The following AR variants were observed in gnomAD, a reference collection of about 807,000 sequenced individuals.
AR encodes androgen receptor, also known as dihydrotestosterone receptor.
AR carries 8 observed loss-of-function variants against 53.9 expected under a neutral mutation model. The observed-to-expected ratio is 0.15, with a 90% CI of 0.09 to 0.27. AR has a LOEUF of 0.27. Ranked by LOEUF, AR falls within the 10% of genes least tolerant of loss-of-function variation. The pLI is 1.00. For synonymous variants in AR, 359 were observed against 316.4 expected (o/e 1.13, Z -1.43); for missense variants, 639 against 742.5 (o/e 0.86, Z 1.62).
intron 3 of AR, among the ~76,000 whole-genome samples, chrX:67,687,788 A>G (rs1443912981): frequency 8.9e-6 from 1 of 112,411 alleles, no homozygotes; most frequent in Non-Finnish European, 1.9e-5. Flanking sequence ...ATCTGGCAAT[A>G]TGAATTGCAA....
At chrX:67,686,841 A>T (rs1476038829) in intron 3 of AR, among the ~76,000 whole-genome samples, 2 of 110,876 alleles carry the variant, frequency 1.8e-5, no homozygotes, top group African/African-American at 3.3e-5. Flanking sequence ...TGTCCCACAA[A>T]CCTGTCTACC....
intron 7 of AR, 71 bp from the exon 8 acceptor site, chrX:67,723,615 G>A (rs2147539679): frequency 8.7e-7 from 1 of 1,149,894 alleles, no homozygotes; most frequent in Non-Finnish European, 1.2e-6. Flanking sequence ...AAAATCAGAG[G>A]TTGGGGAAGA....
At chrX:67,692,830 T>C (rs1323967800) in intron 3 of AR, among the ~76,000 whole-genome samples, 2 of 111,973 alleles carry the variant, frequency 1.8e-5, no homozygotes, top group Non-Finnish European at 3.8e-5. Flanking sequence ...GTGTGGCTTT[T>C]GGTTCTTGTT....
At chrX:67,609,557 A>AT (rs887474304) in intron 1 of AR, among the ~76,000 whole-genome samples, 3 of 110,249 alleles carry the variant, frequency 2.7e-5, no homozygotes, top group African/African-American at 9.9e-5. Context: ...TTTTAACCTG[A>AT]TTTTTTTTCT....
At chrX:67,559,602 G>T (rs1372601185) in intron 1 of AR, among the ~76,000 whole-genome samples, 2 of 112,220 alleles carry the variant, frequency 1.8e-5, no homozygotes, top group African/African-American at 6.5e-5. Flanking sequence ...GCAAAAATCT[G>T]TCTCTCCAGG....
At chrX:67,675,178 A>G (rs1215970559) in intron 2 of AR, among the ~76,000 whole-genome samples, 2 of 108,311 alleles carry the variant, frequency 1.8e-5, no homozygotes, top group African/African-American at 6.7e-5. Context: ...TTGCAAGACC[A>G]AGTCCTCTTT....
In AR at chrX:67,726,908, C is replaced by G. The variant is rs1198994939; in HGVS notation, c.*3067C>G. ...CTGGTGAGCTAGAAGATGAGGATCA[C>G]TCACTGGAAAAGTCACAAGGACCAT... On this transcript the variant is annotated 3_prime_UTR_variant, in exon 8 of 8. Coordinates refer to ENST00000374690, the MANE Select transcript of AR (RefSeq NM_000044.6). The G allele has an allele frequency of 5.8e-6, 1 of 173,713 alleles. No individual in the cohort carries two copies. The highest frequency in any genetic ancestry group is 1.1e-5 in the Non-Finnish European group (1 of 90,958). The allele number at this position is 173,713 out of a possible 1,213,427, so 14.3% of individuals were successfully genotyped here.
chrX:67,700,493 G>T (rs1464108946), intron 3 of AR, among the ~76,000 whole-genome samples: 2 of 111,308 alleles, frequency 1.8e-5, no homozygotes, highest in African/African-American at 6.5e-5. Context: ...AGGATCCCCC[G>T]GCAGAATGAA....
intron 1 of AR, among the ~76,000 whole-genome samples, chrX:67,619,314 A>T (rs1924260113): frequency 9.2e-6 from 1 of 108,765 alleles, no homozygotes; most frequent in Non-Finnish European, 1.9e-5. Flanking sequence ...GGAGGCAAAG[A>T]TTCTCTCTCT....
chrX:67,635,050 G>A (rs113484075), intron 1 of AR, among the ~76,000 whole-genome samples: 5 of 66,524 alleles, frequency 7.5e-5, no homozygotes, highest in Admixed American at 4.0e-4. Context: ...CTACACCCCC[G>A]CAACCCCCAC....
chrX:67,606,405 A>T (rs772744387), intron 1 of AR, among the ~76,000 whole-genome samples: 1 of 112,410 alleles, frequency 8.9e-6, no homozygotes, highest in Non-Finnish European at 1.9e-5. Context: ...TAGAATGATT[A>T]AATCAAGCTA....
chrX:67,632,611 C>T (rs1422719182), intron 1 of AR, among the ~76,000 whole-genome samples: 1 of 112,063 alleles, frequency 8.9e-6, no homozygotes, highest in Non-Finnish European at 1.9e-5. Flanking sequence ...CTGCTTCGCT[C>T]ATGCTGGGAG....
intron 1 of AR, among the ~76,000 whole-genome samples, chrX:67,553,192 C>T (rs974848755): frequency 8.9e-5 from 10 of 111,783 alleles, no homozygotes; most frequent in African/African-American, 2.0e-4. Flanking sequence ...TTATAGTTTT[C>T]GCTATTTACA....
intron 1 of AR, among the ~76,000 whole-genome samples, chrX:67,587,387 A>G (rs1922599307): frequency 8.9e-6 from 1 of 112,791 alleles, no homozygotes; most frequent in African/African-American, 3.2e-5. Context: ...AGCTAGGACA[A>G]GGGCAGACAA....
At chrX:67,661,246 G>C (rs182216435) in intron 2 of AR, among the ~76,000 whole-genome samples, 2,591 of 110,578 alleles carry the variant, frequency 0.023, 39 homozygotes, top group Non-Finnish European at 0.035. Context: ...ACTTCCAACA[G>C]TATGTTGAAT....
chrX:67,696,139 C>CTT (rs11428245), intron 3 of AR: 18,664 of 504,298 alleles, frequency 0.037, no homozygotes, highest in South Asian at 0.042. Context: ...GATCTTTTTT[C>CTT]TTTTTTTTTT....
intron 2 of AR, among the ~76,000 whole-genome samples, chrX:67,678,348 G>C (rs776444031): frequency 8.9e-6 from 1 of 111,807 alleles, no homozygotes; most frequent in South Asian, 3.7e-4. Flanking sequence ...AACTCAACTG[G>C]TTTGATTTTT....
At chrX:67,627,751 A>G (rs1924773130) in intron 1 of AR, among the ~76,000 whole-genome samples, 1 of 111,691 alleles carries the variant, frequency 9.0e-6, no homozygotes, top group African/African-American at 3.3e-5. Flanking sequence ...GTTTTCTTCT[A>G]GGGTTTTTAT....
chrX:67,662,853 G>T (rs1927015031), intron 2 of AR, among the ~76,000 whole-genome samples: 1 of 111,479 alleles, frequency 9.0e-6, no homozygotes, highest in African/African-American at 3.3e-5. Flanking sequence ...TCTTCTTGTT[G>T]AATTGATCCC....
Sources: allele counts gnomAD v4.1 joint callset (sites outside exome capture counted in the v4.1 genomes callset), GRCh38; gene constraint gnomAD v4.1.1; transcripts MANE v1.5; gene names NCBI Gene and HGNC (gene_info 2026-07-23, HGNC 2026-07-21).